The following ACAP2 variants were observed in gnomAD, a reference collection of about 807,000 sequenced individuals.
ACAP2 encodes ArfGAP with coiled-coil, ankyrin repeat and PH domains 2.
ACAP2 carries 39 observed loss-of-function variants against 115.8 expected under a neutral mutation model. That is an observed-to-expected ratio of 0.34 (90% CI 0.26 to 0.44). ACAP2 has a LOEUF of 0.44. ACAP2 is among the 20% of genes least tolerant of loss of function. The pLI is 1.00. For missense variants in ACAP2, 662 were observed against 927.6 expected (o/e 0.71, Z 3.72); for synonymous variants, 289 against 315.8 (o/e 0.92, Z 0.90).
At chr3:195,310,739 A>G (rs112649550) in intron 10 of ACAP2, among the ~76,000 whole-genome samples, 2 of 152,344 alleles carry the variant, frequency 1.3e-5, no homozygotes, top group African/African-American at 4.8e-5. Context: ...CCCTCTGATT[A>G]TTAACCTAAG....
chr3:195,291,847 A>G (rs1177919962), intron 19 of ACAP2, 32 bp from the exon 20 acceptor site: 1 of 1,551,954 alleles, frequency 6.4e-7, no homozygotes, highest in Non-Finnish European at 8.8e-7. Flanking sequence ...ACTATAGACA[A>G]AAGCAAATAA....
chr3:195,389,848 C>T (rs1734539997), intron 2 of ACAP2, among the ~76,000 whole-genome samples: 1 of 152,208 alleles, frequency 6.6e-6, no homozygotes. Context: ...CAGGTGCTCC[C>T]CCAACGCGGA....
intron 1 of ACAP2, among the ~76,000 whole-genome samples, chr3:195,415,390 C>G (rs914521075): frequency 2.0e-5 from 3 of 151,632 alleles, no homozygotes; most frequent in African/African-American, 7.3e-5. Flanking sequence ...GATTCTCCTG[C>G]CTCAGCCTCC....
intron 8 of ACAP2, among the ~76,000 whole-genome samples, chr3:195,327,256 A>G (rs1020984285): frequency 6.6e-6 from 1 of 152,194 alleles, no homozygotes; most frequent in African/African-American, 2.4e-5. Context: ...CAATCCCTGA[A>G]TAACGAAAAT....
At chr3:195,301,839 A>T (rs1728078963) in intron 14 of ACAP2, 127 bp downstream of exon 14, 2 of 1,265,304 alleles carry the variant, frequency 1.6e-6, no homozygotes, top group Admixed American at 4.6e-5. Context: ...TACTTCTTAA[A>T]AGGTACAAAG....
chr3:195,412,902 C>T lies in ACAP2; in HGVS notation c.54-20755G>A, dbSNP rs117129559. The T allele has an allele frequency of 5.3e-4, 241 of 456,370 alleles. 1 individual carries two copies. The East Asian group carries it at 0.016, about 30-fold the overall frequency. The allele number at this position is 456,370 out of a possible 1,614,324, so 28.3% of individuals were successfully genotyped here. A position where few individuals can be genotyped will look rare whatever the true frequency, so the allele number is the denominator to read the frequency against. ...AAACAGCAAGCGGTAAAACAAGCCC[C>T]TGCTCTCACGGCATCTAAGTGAAGG... On this transcript the variant is annotated intron_variant, in intron 1 of 22. Transcript: ENST00000326793.
intron 10 of ACAP2, among the ~76,000 whole-genome samples, chr3:195,309,233 A>G (rs1728602490): frequency 6.6e-6 from 1 of 152,218 alleles, no homozygotes; most frequent in South Asian, 2.1e-4. Flanking sequence ...GCATAAATGT[A>G]TATCGTGAAT....
At chr3:195,375,756 C>T (rs1474084893) in intron 4 of ACAP2, among the ~76,000 whole-genome samples, 2 of 152,108 alleles carry the variant, frequency 1.3e-5, no homozygotes, top group African/African-American at 4.8e-5. Context: ...TTCAAGGCTG[C>T]AGTGAGTTAT....
At chr3:195,349,756 G>T in intron 4 of ACAP2, 1 of 272,816 alleles carries the variant, frequency 3.7e-6, no homozygotes, top group East Asian at 1.2e-4. Context: ...GCACATCCAT[G>T]GAGTGGGCTT....
At chr3:195,340,496 A>G (rs1400104282) in intron 6 of ACAP2, among the ~76,000 whole-genome samples, 1 of 152,142 alleles carries the variant, frequency 6.6e-6, no homozygotes, top group Admixed American at 6.5e-5. Flanking sequence ...AAAGTAAGAA[A>G]AGAAAAGAAT....
chr3:195,351,613 C>T (rs1731614063), intron 4 of ACAP2, among the ~76,000 whole-genome samples: 1 of 151,932 alleles, frequency 6.6e-6, no homozygotes, highest in South Asian at 2.1e-4. Context: ...AGGCGCCCCC[C>T]ACCACCACGC....
chr3:195,314,706 C>CA (rs1481095671), intron 10 of ACAP2, among the ~76,000 whole-genome samples: 1 of 152,008 alleles, frequency 6.6e-6, no homozygotes, highest in African/African-American at 2.4e-5. Context: ...TAAACAATCC[C>CA]AAAAAAATAT....
chr3:195,426,767 G>T (rs867877858), intron 1 of ACAP2, among the ~76,000 whole-genome samples: 1 of 152,108 alleles, frequency 6.6e-6, no homozygotes. Flanking sequence ...TGATTATAAG[G>T]TCATATGTAA....
In ACAP2 at chr3:195,277,839, T is replaced by C. The variant is rs1409076369; in HGVS notation, c.*1489A>G. 1 of 152,176 alleles carries C rather than the reference T, an allele frequency of 6.6e-6. No homozygotes were observed. The highest frequency in any genetic ancestry group is 2.4e-5 in the African/African-American group (1 of 41,434). 9.4% of individuals were successfully genotyped at this position (152,176 alleles called of 1,614,324 possible). ...GCTCACGCCTGTAATCCCAGCACTC[T>C]GGGAGGCTAAAGCAGGCTGATCACC... On this transcript the variant is annotated 3_prime_UTR_variant, in exon 23 of 23. Coordinates refer to ENST00000326793, the MANE Select transcript of ACAP2 (RefSeq NM_012287.6).
chr3:195,415,032 G>T (rs991090436), intron 1 of ACAP2, among the ~76,000 whole-genome samples: 3 of 152,110 alleles, frequency 2.0e-5, no homozygotes, highest in African/African-American at 7.2e-5. Context: ...GAAACTAACT[G>T]CATGATCCTA....
At chr3:195,305,552 T>C (rs565448377) in intron 13 of ACAP2, among the ~76,000 whole-genome samples, 99 of 152,106 alleles carry the variant, frequency 6.5e-4, no homozygotes, top group African/African-American at 2.3e-3. Context: ...GAGAAAGATA[T>C]GGGATACAGG....
chr3:195,362,529 C>CCACA (rs559712952), intron 4 of ACAP2, among the ~76,000 whole-genome samples: 1 of 151,504 alleles, frequency 6.6e-6, no homozygotes, highest in Non-Finnish European at 1.5e-5. Flanking sequence ...TAAAAAATAA[C>CCACA]CACACACACA....
intron 1 of ACAP2, among the ~76,000 whole-genome samples, chr3:195,402,521 A>G (rs1315709175): frequency 6.6e-6 from 1 of 152,242 alleles, no homozygotes; most frequent in Non-Finnish European, 1.5e-5. Flanking sequence ...TATGTAACCA[A>G]TATTATACAT....
intron 1 of ACAP2, among the ~76,000 whole-genome samples, chr3:195,420,711 C>T (rs893341171): frequency 2.0e-5 from 3 of 151,982 alleles, no homozygotes; most frequent in African/African-American, 7.3e-5. Flanking sequence ...GGCGCCATCT[C>T]AGCTCACTGC....
Sources: gnomAD v4.1 joint callset for allele counts (sites outside exome capture counted in the v4.1 genomes callset) on GRCh38, gnomAD v4.1.1 for gene constraint, MANE v1.5 for transcripts, NCBI Gene and HGNC (gene_info 2026-07-23, HGNC 2026-07-21) for gene names.